The following RBFOX1 variants were observed in gnomAD, a reference collection of about 807,000 sequenced individuals.
The protein encoded by RBFOX1 is RNA binding fox-1 homolog 1, also known as RNA binding protein fox-1 homolog 1.
Under a neutral mutation model 57.7 loss-of-function variants are expected in RBFOX1, and 8 were observed. That is an observed-to-expected ratio of 0.14 (90% CI 0.08 to 0.25). The LOEUF (loss-of-function observed/expected upper bound fraction) is 0.25, where lower values mean the gene tolerates loss of function less well. Ranked by LOEUF, RBFOX1 falls within the 10% of genes least tolerant of loss-of-function variation. The pLI, the probability that RBFOX1 is intolerant of heterozygous loss-of-function variation, is 1.00. For synonymous variants in RBFOX1, 326 were observed against 222.4 expected (o/e 1.47, Z -4.15); for missense variants, 611 against 548.5 (o/e 1.11, Z -1.14).
At chr16:5,844,536 C>G (rs781000924) in intron 3 of RBFOX1, among the ~76,000 whole-genome samples, 4 of 152,088 alleles carry the variant, frequency 2.6e-5, no homozygotes, top group Non-Finnish European at 5.9e-5. Context: ...GTGTGTAAGT[C>G]TAGTGGCAAA....
At chr16:7,038,145 C>G (rs563970051) in intron 3 of RBFOX1, among the ~76,000 whole-genome samples, 55 of 152,134 alleles carry the variant, frequency 3.6e-4, no homozygotes, top group Non-Finnish European at 7.1e-4. Context: ...AAAATCTTCG[C>G]TGAGATGCTC....
rs1447434393 is a variant in RBFOX1, at chr16:6,203,971, G to A, written c.-126-113024G>A. 3.7e-5 allele frequency among the ~76,000 whole-genome samples: 5 copies of A among 133,750 alleles called. No individual in the cohort carries two copies. In the East Asian group the frequency reaches 1.2e-3, roughly 32 times the overall value. 87.7% of individuals were successfully genotyped at this position (133,750 alleles called of 152,430 possible). A position where few individuals can be genotyped will look rare whatever the true frequency, so the allele number is the denominator to read the frequency against. On this transcript the variant is annotated intron_variant, in intron 1 of 15. Transcript: ENST00000550418. ...ACCTGTTGGTGGCTCTGCCAGTTCT[G>A]TTTTGTTTCTTTTTTTTTTTTTTTC...
chr16:6,469,587 T>C (rs1320143849), intron 2 of RBFOX1, among the ~76,000 whole-genome samples: 1 of 152,224 alleles, frequency 6.6e-6, no homozygotes, highest in Non-Finnish European at 1.5e-5. Context: ...AACAAATGCA[T>C]GTTCACATCT....
intron 1 of RBFOX1, among the ~76,000 whole-genome samples, chr16:6,160,723 A>G (rs1396435654): frequency 6.6e-6 from 1 of 152,096 alleles, no homozygotes; most frequent in Non-Finnish European, 1.5e-5. Context: ...CACCACTCCC[A>G]TCTTGCCTCC....
intron 3 of RBFOX1, among the ~76,000 whole-genome samples, chr16:5,776,907 C>G (rs1246820166): frequency 6.6e-6 from 1 of 152,204 alleles, no homozygotes; most frequent in Non-Finnish European, 1.5e-5. Flanking sequence ...TGGATGTCTA[C>G]TGAGCACGTG....
At chr16:6,189,875 A>G (rs1037819242) in intron 1 of RBFOX1, among the ~76,000 whole-genome samples, 5 of 152,132 alleles carry the variant, frequency 3.3e-5, no homozygotes, top group East Asian at 1.9e-4. Flanking sequence ...TGTGATCCCA[A>G]TTGTCCATGT....
chr16:6,984,505 G>C (rs1339477697), intron 3 of RBFOX1, among the ~76,000 whole-genome samples: 1 of 152,110 alleles, frequency 6.6e-6, no homozygotes, highest in African/African-American at 2.4e-5. Context: ...GCAGCCTAAA[G>C]TCTCCTCACC....
At chr16:5,469,119 G>T (rs2069049245) in intron 2 of RBFOX1, among the ~76,000 whole-genome samples, 1 of 152,210 alleles carries the variant, frequency 6.6e-6, no homozygotes, top group Non-Finnish European at 1.5e-5. Flanking sequence ...TGGCCTGTCT[G>T]TTGCCTCCTC....
chr16:6,854,644 G>C (rs1421628086), intron 3 of RBFOX1, among the ~76,000 whole-genome samples: 2 of 131,274 alleles, frequency 1.5e-5, no homozygotes, highest in Non-Finnish European at 3.1e-5. Flanking sequence ...GCCCAGGCTG[G>C]AGTGCAGTGG....
chr16:6,641,381 C>T (rs1268056233), intron 2 of RBFOX1, among the ~76,000 whole-genome samples: 1 of 152,114 alleles, frequency 6.6e-6, no homozygotes, highest in East Asian at 1.9e-4. Context: ...TTTATAAATC[C>T]AAGGGAGCAT....
At chr16:7,237,800 G>A (rs1331932727) in intron 4 of RBFOX1, among the ~76,000 whole-genome samples, 1 of 152,176 alleles carries the variant, frequency 6.6e-6, no homozygotes. Context: ...GAGGTCAGGG[G>A]TTTGAGACCA....
intron 10 of RBFOX1, among the ~76,000 whole-genome samples, chr16:7,629,739 C>A (rs993914401): frequency 6.6e-6 from 1 of 152,176 alleles, no homozygotes; most frequent in Non-Finnish European, 1.5e-5. Context: ...CCATTATTTG[C>A]CGCTGTAAAA....
intron 2 of RBFOX1, among the ~76,000 whole-genome samples, chr16:6,438,311 A>G (rs929762507): frequency 3.5e-4 from 54 of 152,312 alleles, no homozygotes; most frequent in African/African-American, 1.1e-3. Flanking sequence ...TGTTGTTTCT[A>G]TGTTAAAGAT....
At chr16:5,410,263 C>G (rs960151952) in intron 1 of RBFOX1, among the ~76,000 whole-genome samples, 5 of 151,452 alleles carry the variant, frequency 3.3e-5, no homozygotes, top group Non-Finnish European at 7.4e-5. Context: ...TCCAGCTACT[C>G]AGGAGGCTGA....
chr16:6,483,738 C>A, intron 2 of RBFOX1: 1 of 1,429,436 alleles, frequency 7.0e-7, no homozygotes, highest in Non-Finnish European at 9.1e-7. Context: ...TTTTTGGCTG[C>A]CTGTGGCAGA....
At chr16:5,401,819 G>A (rs147251281) in intron 1 of RBFOX1, among the ~76,000 whole-genome samples, 3 of 136,226 alleles carry the variant, frequency 2.2e-5, no homozygotes, top group East Asian at 2.4e-4. Context: ...TCTCCTTCTC[G>A]TGCTGCTGCT....
At chr16:7,503,714 A>AAAATT (rs2071792381) in intron 4 of RBFOX1, among the ~76,000 whole-genome samples, 1 of 152,226 alleles carries the variant, frequency 6.6e-6, no homozygotes. Context: ...GAGAATCCCT[A>AAAATT]TTGAATTAAA....
At chr16:6,985,821 G>A (rs894377430) in intron 3 of RBFOX1, among the ~76,000 whole-genome samples, 5 of 83,318 alleles carry the variant, frequency 6.0e-5, no homozygotes, top group South Asian at 8.0e-4. Context: ...GCCACAGAGC[G>A]TGAGTTCATG....
At chr16:7,308,196 A>G (rs1434069715) in intron 4 of RBFOX1, among the ~76,000 whole-genome samples, 1 of 152,100 alleles carries the variant, frequency 6.6e-6, no homozygotes, top group African/African-American at 2.4e-5. Context: ...GGCAAACCTT[A>G]TAGCACCCAT....
Sources: allele counts gnomAD v4.1 joint callset (sites outside exome capture counted in the v4.1 genomes callset), GRCh38; gene constraint gnomAD v4.1.1; transcripts MANE v1.5; gene names NCBI Gene and HGNC (gene_info 2026-07-23, HGNC 2026-07-21).